Variants in ZNRF3 observed in about 807,000 individuals in gnomAD.
ZNRF3 encodes the protein E3 ubiquitin-protein ligase ZNRF3.
Under a neutral mutation model 72.5 loss-of-function variants are expected in ZNRF3, and 23 were observed. That is an observed-to-expected ratio of 0.32 (90% CI 0.23 to 0.45). ZNRF3 has a LOEUF of 0.45. Among genes scored for constraint, ZNRF3 ranks in the 20% least tolerant of loss-of-function variants. The probability of loss-of-function intolerance (pLI) is 1.00; values close to 1 mark genes in which losing one functional copy is unlikely to be tolerated. For missense variants in ZNRF3, 1,169 were observed against 1,272.1 expected (o/e 0.92, Z 1.23); for synonymous variants, 610 against 545.3 (o/e 1.12, Z -1.65).
chr22:29,051,328 C>G (rs2123889961), intron 8 of ZNRF3, among the ~76,000 whole-genome samples: 1 of 152,210 alleles, frequency 6.6e-6, no homozygotes, highest in East Asian at 1.9e-4. Context: ...CTGTGGATCA[C>G]TTGAGGCCAG....
chr22:29,011,646 G>A lies in ZNRF3; in HGVS notation c.426+24445G>A, dbSNP rs577040591. Among the ~76,000 whole-genome samples, 147 of 152,372 alleles carry A rather than the reference G, an allele frequency of 9.6e-4. 1 individual carries two copies. Among genetic ancestry groups the A allele is most frequent in the Middle Eastern group, 3.4e-3 (1 of 294 alleles). Reference sequence around the variant, plus strand: ...TAAGCTGGCTGCAGAAGCTAGGCCAGTTAAAACAATATGCAGGCAGCTCTC... The same window carrying A: ...TAAGCTGGCTGCAGAAGCTAGGCCAATTAAAACAATATGCAGGCAGCTCTC... On this transcript the variant is annotated intron_variant, in intron 2 of 8. Transcript: ENST00000544604.
chr22:29,003,110 A>G (rs1369436738), intron 2 of ZNRF3, among the ~76,000 whole-genome samples: 2 of 152,204 alleles, frequency 1.3e-5, no homozygotes, highest in South Asian at 2.1e-4. Context: ...ATATAATGCA[A>G]TTGGCTTTTA....
chr22:28,945,228 A>G (rs529029630), intron 1 of ZNRF3, among the ~76,000 whole-genome samples: 2 of 152,118 alleles, frequency 1.3e-5, no homozygotes, highest in African/African-American at 4.8e-5. Context: ...TTCGTAATAG[A>G]AAATTACTAA....
intron 1 of ZNRF3, among the ~76,000 whole-genome samples, chr22:28,957,496 A>G (rs1424495036): frequency 6.6e-6 from 1 of 152,040 alleles, no homozygotes; most frequent in African/African-American, 2.4e-5. Flanking sequence ...CTGGAGTGCA[A>G]TGGCATGATC....
intron 1 of ZNRF3, among the ~76,000 whole-genome samples, chr22:28,941,441 C>CTTTAT (rs2034946051): frequency 6.6e-6 from 1 of 152,156 alleles, no homozygotes; most frequent in East Asian, 1.9e-4. Flanking sequence ...AATAAGATGA[C>CTTTAT]TTTATTACTT....
intron 1 of ZNRF3, among the ~76,000 whole-genome samples, chr22:28,918,800 T>C (rs1601556969): frequency 6.7e-6 from 1 of 150,334 alleles, no homozygotes; most frequent in Non-Finnish European, 1.5e-5. Flanking sequence ...AAGCTGCCAC[T>C]GATCCCATCT....
Position 29,054,399 on chromosome 22 carries a change from A to C in ZNRF3, c.*777A>C, listed in dbSNP as rs570098765. The C allele has an allele frequency of 9.8e-5, 15 of 152,440 alleles. No homozygotes were observed. The highest frequency in any genetic ancestry group is 3.6e-4 in the African/African-American group (15 of 41,568). The allele number at this position is 152,440 out of a possible 1,614,324, so 9.4% of individuals were successfully genotyped here. ...CCCAGTGTCCTCAGTCTGTCCCCTC[A>C]GGTCATGGTCCCAAGTGAAATGACA... On this transcript the variant is annotated 3_prime_UTR_variant, in exon 9 of 9. Coordinates refer to ENST00000544604, the MANE Select transcript of ZNRF3 (RefSeq NM_001206998.2).
At chr22:28,928,283 A>AT (rs1345255257) in intron 1 of ZNRF3, among the ~76,000 whole-genome samples, 7 of 151,718 alleles carry the variant, frequency 4.6e-5, no homozygotes, top group South Asian at 4.2e-4. Context: ...CTTAGTTTTG[A>AT]TTTTTTTTAC....
intron 2 of ZNRF3, among the ~76,000 whole-genome samples, chr22:28,994,060 T>A (rs2036002387): frequency 6.6e-6 from 1 of 152,080 alleles, no homozygotes. Context: ...AGATAATGTA[T>A]ATCAAGTGTT....
chr22:29,049,517 T>G lies in ZNRF3; in HGVS notation c.1336T>G (p.Phe446Val). ...CCGGGCCTACTCCCCAGCCCACCCCTTCCGCAGGCCCAAGTTGAGTGGCCG... is the reference window on the plus strand; with the variant it reads ...CCGGGCCTACTCCCCAGCCCACCCCGTCCGCAGGCCCAAGTTGAGTGGCCG... ...EHRAYSPAHPFRRPKLSGRSF... is the reference protein window; with the variant it reads ...EHRAYSPAHPVRRPKLSGRSF... The change falls in exon 8 of 9, where the codon TTC becomes GTC. Residue 446 changes from phenylalanine (F) to valine (V), a missense_variant. This residue lies in a region of ZNRF3 where 783 missense variants were observed against 731.4 expected (regional missense o/e 1.07). Coordinates refer to ENST00000544604, the MANE Select transcript of ZNRF3 (RefSeq NM_001206998.2). This position sits in a 1 kb window ranked among gnomAD's most constrained non-coding sequence, Gnocchi z 5.2. 6.2e-7 allele frequency: 1 copy of G among 1,600,280 alleles called. No individual in the cohort carries two copies. Among genetic ancestry groups the G allele is most frequent in the Non-Finnish European group, 8.5e-7 (1 of 1,176,634 alleles).
In ZNRF3 at chr22:28,956,692, C is replaced by G. The variant is rs187799751; in HGVS notation, c.301-30384C>G. On this transcript the variant is annotated intron_variant, in intron 1 of 8. Transcript: ENST00000544604. ...GTCAGTGTAGAGGACTTCCTCTACT[C>G]CTGCTTTGACTTCATCTGCAAGAGA... 2.4e-3 allele frequency among the ~76,000 whole-genome samples: 361 copies of G among 152,176 alleles called. 2 individuals carry two copies. Among genetic ancestry groups the G allele is most frequent in the African/African-American group, 8.4e-3 (347 of 41,508 alleles).
At chr22:28,900,977 G>A (rs2034091173) in intron 1 of ZNRF3, among the ~76,000 whole-genome samples, 1 of 152,012 alleles carries the variant, frequency 6.6e-6, no homozygotes, top group Admixed American at 6.6e-5. Flanking sequence ...CAGGTATGGT[G>A]GTGCACATCT....
chr22:28,946,369 A>G (rs1194129706), intron 1 of ZNRF3, among the ~76,000 whole-genome samples: 1 of 152,034 alleles, frequency 6.6e-6, no homozygotes, highest in Admixed American at 6.6e-5. Flanking sequence ...TCTTTGTGTG[A>G]GAGATGGCTT....
chr22:28,965,584 A>G (rs1601609476), intron 1 of ZNRF3, among the ~76,000 whole-genome samples: 2 of 152,226 alleles, frequency 1.3e-5, no homozygotes, highest in Non-Finnish European at 2.9e-5. Flanking sequence ...CATTTTATCC[A>G]GTCTAAGTGC....
At chr22:28,917,442 C>T (rs561310305) in intron 1 of ZNRF3, 2 of 985,344 alleles carry the variant, frequency 2.0e-6, no homozygotes, top group South Asian at 9.4e-5. Flanking sequence ...GTGTGGTGTC[C>T]ACTTAATCTT....
chr22:29,049,095 C>T lies in ZNRF3; in HGVS notation c.1016-102C>T. 1 of 1,348,472 alleles carries T rather than the reference C, an allele frequency of 7.4e-7. No individual in the cohort carries two copies. The highest frequency in any genetic ancestry group is 1.0e-6 in the Non-Finnish European group (1 of 986,166). The allele number at this position is 1,348,472 out of a possible 1,614,324, so 83.5% of individuals were successfully genotyped here. A position where few individuals can be genotyped will look rare whatever the true frequency, so the allele number is the denominator to read the frequency against. On this transcript the variant is annotated intron_variant, in intron 7 of 8. Transcript: ENST00000544604. This position sits in a 1 kb window ranked among gnomAD's most constrained non-coding sequence, Gnocchi z 5.2. The stretch of plus-strand genomic sequence containing the variant: ...TGAGAATGGGTACCTTGGCAGGTGA[C>T]CAAGCCTGCTGCTTCAGCCTTTGCC...
At chr22:28,890,918 G>A (rs1024395323) in intron 1 of ZNRF3, among the ~76,000 whole-genome samples, 7 of 151,920 alleles carry the variant, frequency 4.6e-5, no homozygotes, top group African/African-American at 9.7e-5. Context: ...CCACCATACC[G>A]AGCTAATTTT....
At chr22:29,035,635 G>A (rs971270947) in intron 2 of ZNRF3, among the ~76,000 whole-genome samples, 2 of 152,174 alleles carry the variant, frequency 1.3e-5, no homozygotes, top group Non-Finnish European at 2.9e-5. Flanking sequence ...GAGTGCAGTG[G>A]CGTGATCTTG....
At chr22:28,933,214 CCTTAA>C (rs557435632) in intron 1 of ZNRF3, among the ~76,000 whole-genome samples, 186 of 152,340 alleles carry the variant, frequency 1.2e-3, no homozygotes, top group Admixed American at 2.3e-3. Flanking sequence ...TCTTTCTTCT[CCTTAA>C]CTTCTCTGGA....
Sources: allele counts gnomAD v4.1 joint callset (sites outside exome capture counted in the v4.1 genomes callset), GRCh38; gene constraint gnomAD v4.1.1; regional missense constraint gnomAD v4.1.1; non-coding constraint Gnocchi (gnomAD v3.1); transcripts MANE v1.5; gene names NCBI Gene and HGNC (gene_info 2026-07-23, HGNC 2026-07-21).